The following SLC2A13 variants were observed in gnomAD, a reference collection of about 807,000 sequenced individuals.
The protein encoded by SLC2A13 is proton myo-inositol cotransporter.
A neutral mutation model predicts 64.4 loss-of-function variants in SLC2A13; 32 were observed. The ratio of observed to expected loss-of-function variants is 0.50; its 90% CI spans 0.37 to 0.67. The LOEUF (loss-of-function observed/expected upper bound fraction) is 0.67, where lower values mean the gene tolerates loss of function less well. SLC2A13 is among the 30% of genes least tolerant of loss of function. SLC2A13 has a pLI of 0.00. For synonymous variants in SLC2A13, 338 were observed against 327.1 expected (o/e 1.03, Z -0.36); for missense variants, 743 against 829.2 (o/e 0.90, Z 1.28).
chr12:39,775,800 C>G (rs4767953), intron 7 of SLC2A13, among the ~76,000 whole-genome samples: 148,061 of 152,316 alleles, frequency 0.97, 71,963 homozygotes, highest in East Asian at 1. Flanking sequence ...TGAACTTATA[C>G]AGGTTGTGTA....
intron 3 of SLC2A13, among the ~76,000 whole-genome samples, chr12:40,023,838 T>C (rs1322428465): frequency 6.6e-6 from 1 of 152,174 alleles, no homozygotes; most frequent in Non-Finnish European, 1.5e-5. Context: ...AGTGATGGGT[T>C]CCATGAAGCC....
At position 39,929,219 on chromosome 12, in the gene SLC2A13, C is replaced by T. The variant is rs1335880311; in HGVS notation, c.1034+22038G>A. The stretch of plus-strand genomic sequence containing the variant: ...TTGAACTTTTCACAGGAAACTAGTA[C>T]AGAGTAAGAATCATGATAAAGATGA... On this transcript the variant is annotated intron_variant, in intron 4 of 9. Coordinates refer to ENST00000280871, the MANE Select transcript of SLC2A13 (RefSeq NM_052885.4). Among the ~76,000 whole-genome samples, 2 of 152,082 alleles carry T rather than the reference C, an allele frequency of 1.3e-5. 1 individual carries two copies. The highest frequency in any genetic ancestry group is 2.9e-5 in the Non-Finnish European group (2 of 68,020).
intron 4 of SLC2A13, among the ~76,000 whole-genome samples, chr12:39,938,438 G>A (rs1241635282): frequency 6.6e-6 from 1 of 151,330 alleles, no homozygotes; most frequent in African/African-American, 2.4e-5. Flanking sequence ...ATTTGTTTGT[G>A]TCCCCTTCAA....
intron 3 of SLC2A13, among the ~76,000 whole-genome samples, chr12:40,010,513 G>C (rs1947512259): frequency 6.6e-6 from 1 of 152,024 alleles, no homozygotes. Flanking sequence ...AGAAAAAAAT[G>C]TATTGTCTAC....
intron 4 of SLC2A13, among the ~76,000 whole-genome samples, chr12:39,889,490 G>T (rs1331387171): frequency 6.7e-6 from 1 of 149,778 alleles, no homozygotes; most frequent in Non-Finnish European, 1.5e-5. Flanking sequence ...TACAGAGAAA[G>T]TGAGTAGAGG....
intron 1 of SLC2A13, among the ~76,000 whole-genome samples, chr12:40,078,570 T>C (rs1335587201): frequency 6.6e-6 from 1 of 152,222 alleles, no homozygotes; most frequent in Non-Finnish European, 1.5e-5. Context: ...TGTGTCTGTG[T>C]TCATCAGGGA....
intron 1 of SLC2A13, among the ~76,000 whole-genome samples, chr12:40,097,382 A>G (rs1425048629): frequency 6.6e-6 from 1 of 152,182 alleles, no homozygotes; most frequent in Admixed American, 6.5e-5. Context: ...ATAGGACTAC[A>G]TCAAACTTAA....
intron 3 of SLC2A13, among the ~76,000 whole-genome samples, chr12:39,995,740 A>T (rs1947216773): frequency 6.6e-6 from 1 of 152,200 alleles, no homozygotes; most frequent in South Asian, 2.1e-4. Flanking sequence ...GTGAGAGGTC[A>T]TTGAATCATG....
chr12:39,788,039 T>G (rs775331388), intron 7 of SLC2A13, among the ~76,000 whole-genome samples: 7 of 152,124 alleles, frequency 4.6e-5, no homozygotes, highest in Non-Finnish European at 1.0e-4. Flanking sequence ...TACATAATAA[T>G]ACAAACAATA....
At chr12:39,947,626 C>T (rs1034100717) in intron 4 of SLC2A13, among the ~76,000 whole-genome samples, 4 of 149,170 alleles carry the variant, frequency 2.7e-5, no homozygotes, top group African/African-American at 9.9e-5. Context: ...GATATTATAA[C>T]TAGAGTTTAG....
intron 1 of SLC2A13, among the ~76,000 whole-genome samples, chr12:40,051,518 G>A (rs1253258729): frequency 6.6e-6 from 1 of 152,190 alleles, no homozygotes; most frequent in Non-Finnish European, 1.5e-5. Context: ...TGCTAGTCGA[G>A]TGGGATGGGT....
At chr12:39,973,415 C>G (rs1228062434) in intron 3 of SLC2A13, among the ~76,000 whole-genome samples, 1 of 152,198 alleles carries the variant, frequency 6.6e-6, no homozygotes, top group African/African-American at 2.4e-5. Context: ...CTTTGGAATG[C>G]CCCAGAGCCC....
At chr12:39,911,522 G>A (rs1012231725) in intron 4 of SLC2A13, among the ~76,000 whole-genome samples, 21 of 152,038 alleles carry the variant, frequency 1.4e-4, no homozygotes, top group African/African-American at 4.8e-4. Flanking sequence ...TCATAAAAGG[G>A]GATTTAATAC....
intron 4 of SLC2A13, among the ~76,000 whole-genome samples, chr12:39,937,283 A>C (rs1437434463): frequency 6.6e-6 from 1 of 152,240 alleles, no homozygotes; most frequent in Non-Finnish European, 1.5e-5. Context: ...AAAAGAGACC[A>C]TAAGTTCCCT....
intron 4 of SLC2A13, among the ~76,000 whole-genome samples, chr12:39,895,544 A>G (rs1384000747): frequency 7.7e-6 from 1 of 130,016 alleles, no homozygotes. Flanking sequence ...ATATATATAT[A>G]TATATATACA....
At chr12:39,835,951 G>A (rs540840322) in intron 6 of SLC2A13, among the ~76,000 whole-genome samples, 1 of 152,112 alleles carries the variant, frequency 6.6e-6, no homozygotes, top group African/African-American at 2.4e-5. Flanking sequence ...TTGCCACGTG[G>A]TGAAAGCCAC....
chr12:40,029,615 GC>G (rs1368651970), intron 2 of SLC2A13, among the ~76,000 whole-genome samples: 1 of 152,118 alleles, frequency 6.6e-6, no homozygotes, highest in Non-Finnish European at 1.5e-5. Flanking sequence ...AAATAAGTCT[GC>G]TATTTTCCAA....
intron 4 of SLC2A13, among the ~76,000 whole-genome samples, chr12:39,902,063 A>G (rs1297208270): frequency 6.6e-6 from 1 of 152,010 alleles, no homozygotes; most frequent in Non-Finnish European, 1.5e-5. Context: ...GAAATTGGAA[A>G]CCATCATTCT....
intron 5 of SLC2A13, among the ~76,000 whole-genome samples, chr12:39,870,643 A>G (rs529501878): frequency 6.6e-6 from 1 of 152,134 alleles, no homozygotes; most frequent in Non-Finnish European, 1.5e-5. Context: ...TCATTTACCT[A>G]CTGTCTTAGT....
Sources: gnomAD v4.1 joint callset for allele counts (sites outside exome capture counted in the v4.1 genomes callset) on GRCh38, gnomAD v4.1.1 for gene constraint, MANE v1.5 for transcripts, NCBI Gene and HGNC (gene_info 2026-07-23, HGNC 2026-07-21) for gene names.